The following RASGEF1B variants were observed in gnomAD, a reference collection of about 807,000 sequenced individuals.
RASGEF1B encodes the protein ras-GEF domain-containing family member 1B.
Under a neutral mutation model 65.7 loss-of-function variants are expected in RASGEF1B, and 30 were observed. The ratio of observed to expected loss-of-function variants is 0.46; its 90% CI spans 0.34 to 0.62. The LOEUF (loss-of-function observed/expected upper bound fraction) is 0.62, where lower values mean the gene tolerates loss of function less well. RASGEF1B is among the 20% of genes least tolerant of loss of function. RASGEF1B has a pLI of 0.01. For missense variants in RASGEF1B, 495 were observed against 580.1 expected, an observed-to-expected ratio of 0.85 and a Z score of 1.51; for synonymous variants, 175 against 194.8, an observed-to-expected ratio of 0.90 and a Z score of 0.85.
intron 4 of RASGEF1B, among the ~76,000 whole-genome samples, chr4:81,449,316 T>C (rs1578627873): frequency 6.6e-6 from 1 of 152,214 alleles, no homozygotes; most frequent in Non-Finnish European, 1.5e-5. Context: ...TACTTCATTA[T>C]GCTACAGCCT....
chr4:81,468,106 T>A (rs1722910091), intron 1 of RASGEF1B, among the ~76,000 whole-genome samples: 1 of 152,226 alleles, frequency 6.6e-6, no homozygotes, highest in Non-Finnish European at 1.5e-5. Context: ...TATGAGTAGC[T>A]GAATCATCAT....
At chr4:81,461,858 T>C (rs534319373) in intron 1 of RASGEF1B, among the ~76,000 whole-genome samples, 1 of 152,246 alleles carries the variant, frequency 6.6e-6, no homozygotes, top group African/African-American at 2.4e-5. Context: ...GACCCAGCAA[T>C]GAGGCACATC....
intron 6 of RASGEF1B, 23 bp from the exon 7 acceptor site, chr4:81,445,861 A>G (rs988402762): frequency 1.9e-6 from 3 of 1,570,652 alleles, no homozygotes; most frequent in Non-Finnish European, 2.6e-6. Flanking sequence ...CAAAGTAAAC[A>G]GATGAGTTAG....
At chr4:81,443,128 C>T (rs1721902482) in intron 8 of RASGEF1B, among the ~76,000 whole-genome samples, 1 of 152,210 alleles carries the variant, frequency 6.6e-6, no homozygotes, top group African/African-American at 2.4e-5. Flanking sequence ...TGCTGCCTCT[C>T]CTGAATGATA....
intron 5 of RASGEF1B, 85 bp from the exon 6 acceptor site, chr4:81,447,663 A>ACC: frequency 1.1e-6 from 1 of 939,918 alleles, no homozygotes; most frequent in Non-Finnish European, 1.7e-6. Context: ...TATTGGCACC[A>ACC]CCCCCCATTT....
intron 10 of RASGEF1B, among the ~76,000 whole-genome samples, chr4:81,437,490 A>G (rs1721670955): frequency 6.6e-6 from 1 of 152,244 alleles, no homozygotes; most frequent in African/African-American, 2.4e-5. Flanking sequence ...TTTTAAAAAA[A>G]TAACTTTATT....
intron 13 of RASGEF1B, among the ~76,000 whole-genome samples, chr4:81,430,544 T>C (rs1333510470): frequency 3.3e-5 from 5 of 152,164 alleles, no homozygotes. Flanking sequence ...GACACTGCCG[T>C]GGGGTCGGAG....
chr4:81,470,792 C>T (rs1722994465), intron 1 of RASGEF1B, among the ~76,000 whole-genome samples: 1 of 152,194 alleles, frequency 6.6e-6, no homozygotes, highest in Non-Finnish European at 1.5e-5. Context: ...TTGTGCCACC[C>T]TCGGCAGTGT....
At chr4:81,443,401 C>T (rs1578621456) in intron 8 of RASGEF1B, among the ~76,000 whole-genome samples, 1 of 152,186 alleles carries the variant, frequency 6.6e-6, no homozygotes, top group Admixed American at 6.5e-5. Context: ...TAGCACATTT[C>T]ATGACCCCAG....
intron 12 of RASGEF1B, among the ~76,000 whole-genome samples, chr4:81,433,560 G>GA (rs996647720): frequency 8.0e-5 from 12 of 149,448 alleles, no homozygotes; most frequent in Non-Finnish European, 1.2e-4. Flanking sequence ...GCTCAAGCAA[G>GA]AAAAAAAAAA....
At position 81,449,079 on chromosome 4, in the gene RASGEF1B, G is replaced by A. The variant is rs535894423; in HGVS notation, c.439-795C>T. 9.2e-5 allele frequency among the ~76,000 whole-genome samples: 14 copies of A among 152,148 alleles called. No homozygotes were observed. In the South Asian group the frequency reaches 1.2e-3, roughly 14 times the overall value. The stretch of plus-strand genomic sequence containing the variant: ...CGCCTGCCTCAGCCTCCCAAAGTGC[G>A]GGGATTACAGGCATAAGCCACCGCG... On this transcript the variant is annotated intron_variant, in intron 4 of 13. Transcript: ENST00000264400.
Position 81,459,599 on chromosome 4 carries a change from T to C in RASGEF1B, c.-6-85A>G, listed in dbSNP as rs1019510613. Reference sequence around the variant, plus strand: ...GTAAGCTTTAATAGGCACTAAGATTTAATAGTAACGAGAGAATAGGCAATT... The same window carrying C: ...GTAAGCTTTAATAGGCACTAAGATTCAATAGTAACGAGAGAATAGGCAATT... On this transcript the variant is annotated intron_variant, in intron 1 of 13. Transcript: ENST00000264400. 3.9e-6 allele frequency: 4 copies of C among 1,015,430 alleles called. No homozygotes were observed. In the African/African-American group the frequency reaches 6.5e-5, roughly 17 times the overall value. The allele number at this position is 1,015,430 out of a possible 1,614,324, so 62.9% of individuals were successfully genotyped here.
intron 1 of RASGEF1B, among the ~76,000 whole-genome samples, chr4:81,460,577 G>T (rs1044930357): frequency 2.0e-5 from 3 of 152,166 alleles, no homozygotes; most frequent in African/African-American, 7.2e-5. Flanking sequence ...TGTGGGAGGG[G>T]TGTGGAGCCC....
Position 81,471,404 on chromosome 4 carries a change from T to C in RASGEF1B, c.-7+366A>G, listed in dbSNP as rs528714681. On this transcript the variant is annotated intron_variant, in intron 1 of 13. Coordinates refer to ENST00000264400, the MANE Select transcript of RASGEF1B (RefSeq NM_152545.3). ...CGAGACAGAAGGCCTGGCTGCAGGA[T>C]CAGGGAGAAAGAGGGAAGGCACAAC... is the stretch of plus-strand genomic sequence containing the variant. 3.0e-3 allele frequency among the ~76,000 whole-genome samples: 456 copies of C among 152,230 alleles called. 3 individuals are homozygous for C. Among genetic ancestry groups the C allele is most frequent in the Non-Finnish European group, 4.8e-3 (326 of 67,996 alleles).
At chr4:81,469,782 T>C (rs1177151090) in intron 1 of RASGEF1B, among the ~76,000 whole-genome samples, 1 of 152,136 alleles carries the variant, frequency 6.6e-6, no homozygotes, top group Non-Finnish European at 1.5e-5. Context: ...TCCCAGGTAT[T>C]AGATGTGTTA....
intron 10 of RASGEF1B, among the ~76,000 whole-genome samples, chr4:81,439,051 G>C (rs1330822209): frequency 6.6e-6 from 1 of 152,086 alleles, no homozygotes; most frequent in Non-Finnish European, 1.5e-5. Context: ...AAACATATGT[G>C]TGCATGTGTC....
At chr4:81,470,641 C>G (rs973089535) in intron 1 of RASGEF1B, among the ~76,000 whole-genome samples, 1 of 152,174 alleles carries the variant, frequency 6.6e-6, no homozygotes, top group Non-Finnish European at 1.5e-5. Flanking sequence ...GAGACGCGTT[C>G]GGCCCAAACA....
chr4:81,447,685 T>C, intron 5 of RASGEF1B, 107 bp from the exon 6 acceptor site: 1 of 839,184 alleles, frequency 1.2e-6, no homozygotes, highest in Admixed American at 2.2e-5. Flanking sequence ...TTAATGAAGA[T>C]TATAAAATAA....
intron 13 of RASGEF1B, among the ~76,000 whole-genome samples, chr4:81,430,870 G>A (rs1317277955): frequency 1.3e-5 from 2 of 152,184 alleles, no homozygotes; most frequent in African/African-American, 2.4e-5. Context: ...AATTTAAAAT[G>A]TCTGGAGACC....
Sources: allele counts gnomAD v4.1 joint callset (sites outside exome capture counted in the v4.1 genomes callset), GRCh38; gene constraint gnomAD v4.1.1; transcripts MANE v1.5; gene names NCBI Gene and HGNC (gene_info 2026-07-23, HGNC 2026-07-21).